Variants in TRAF3 observed in about 807,000 individuals in gnomAD.
The protein encoded by TRAF3 is TNF receptor-associated factor 3.
TRAF3 carries 13 observed loss-of-function variants against 62.3 expected under a neutral mutation model. That is an observed-to-expected ratio of 0.21 (90% confidence interval 0.14 to 0.33). The LOEUF is 0.33. Ranked by LOEUF, TRAF3 falls within the 10% of genes least tolerant of loss-of-function variation. The pLI, the probability that TRAF3 is intolerant of heterozygous loss-of-function variation, is 1.00. For synonymous variants in TRAF3, 269 were observed against 283.4 expected, an observed-to-expected ratio of 0.95 and a Z score of 0.51; for missense variants, 440 against 741.8, an observed-to-expected ratio of 0.59 and a Z score of 4.73.
intron 9 of TRAF3, among the ~76,000 whole-genome samples, chr14:102,895,683 C>G (rs1251699204): frequency 6.6e-6 from 1 of 152,338 alleles, no homozygotes; most frequent in Non-Finnish European, 1.5e-5. Flanking sequence ...TTGTAAAAAT[C>G]TTGTGAGAAA....
At chr14:102,890,368 G>A (rs1257087678) in intron 8 of TRAF3, among the ~76,000 whole-genome samples, 1 of 152,182 alleles carries the variant, frequency 6.6e-6, no homozygotes, top group Admixed American at 6.5e-5. Flanking sequence ...ACATTATTAT[G>A]AAGTCAGTAC....
chr14:102,800,395 G>T (rs1898322763), intron 1 of TRAF3, among the ~76,000 whole-genome samples: 1 of 152,192 alleles, frequency 6.6e-6, no homozygotes, highest in African/African-American at 2.4e-5. Flanking sequence ...CAGGCTTTGG[G>T]TGAGAGAGTC....
intron 8 of TRAF3, among the ~76,000 whole-genome samples, chr14:102,890,099 C>T (rs1023178074): frequency 9.2e-5 from 14 of 152,206 alleles, no homozygotes; most frequent in African/African-American, 3.4e-4. Context: ...CTGACCCCAA[C>T]GGGGGACAGA....
intron 2 of TRAF3, among the ~76,000 whole-genome samples, chr14:102,837,659 T>G (rs976317292): frequency 5.3e-5 from 8 of 152,042 alleles, no homozygotes; most frequent in Non-Finnish European, 8.8e-5. Flanking sequence ...AAAAAGATAC[T>G]TGGTTTTAAA....
intron 1 of TRAF3, among the ~76,000 whole-genome samples, chr14:102,778,728 A>C (rs1292534588): frequency 2.0e-5 from 3 of 151,952 alleles, no homozygotes; most frequent in African/African-American, 7.3e-5. Flanking sequence ...TTTTTTTCCT[A>C]GCATTTGCTG....
Position 102,881,227 on chromosome 14 carries a change from T to C in TRAF3, c.570+4702T>C, listed in dbSNP as rs577494946. 2.6e-5 allele frequency among the ~76,000 whole-genome samples: 4 copies of C among 151,350 alleles called. No individual in the cohort carries two copies. The East Asian group carries it at 7.8e-4, about 30-fold the overall frequency. ...GGTAAAACCCCATCTCTACTTAAAA[T>C]ACAAAAATTAGCTGGGCATGGTAAC... On this transcript the variant is annotated intron_variant, in intron 6 of 11. Coordinates refer to ENST00000392745, the MANE Select transcript of TRAF3 (RefSeq NM_145725.3).
chr14:102,903,144 A>T lies in TRAF3; in HGVS notation c.961-111A>T. 6.7e-7 allele frequency: 1 copy of T among 1,487,754 alleles called. No homozygotes were observed. The highest frequency in any genetic ancestry group is 9.4e-7 in the Non-Finnish European group (1 of 1,068,636). 92.2% of individuals were successfully genotyped at this position (1,487,754 alleles called of 1,614,324 possible). A position where few individuals can be genotyped will look rare whatever the true frequency, so the allele number is the denominator to read the frequency against. ...CAGAGCCGCGGGTGGCAGGCCTCATACAGGGGCCTCTGACTGTTCTGCTCC... is the reference window on the plus strand; with the variant it reads ...CAGAGCCGCGGGTGGCAGGCCTCATTCAGGGGCCTCTGACTGTTCTGCTCC... On this transcript the variant is annotated intron_variant, in intron 10 of 11. Transcript: ENST00000392745. This position sits in a 1 kb window ranked among gnomAD's most constrained non-coding sequence, Gnocchi z 6.4.
intron 1 of TRAF3, among the ~76,000 whole-genome samples, chr14:102,802,791 G>A (rs1327805593): frequency 1.3e-5 from 2 of 152,060 alleles, no homozygotes; most frequent in Admixed American, 6.6e-5. Flanking sequence ...TCGTGCCACT[G>A]CACTCTAGCC....
intron 2 of TRAF3, among the ~76,000 whole-genome samples, chr14:102,834,878 CA>C (rs550332125): frequency 1.3e-5 from 2 of 150,592 alleles, no homozygotes; most frequent in Non-Finnish European, 2.9e-5. Flanking sequence ...GCAATTGCAA[CA>C]AAAGCAAAAA....
At chr14:102,830,651 AG>A (rs1403785930) in intron 2 of TRAF3, among the ~76,000 whole-genome samples, 179 bp downstream of exon 2, 1 of 152,104 alleles carries the variant, frequency 6.6e-6, no homozygotes, top group Non-Finnish European at 1.5e-5. Context: ...CACCCATAGG[AG>A]GGGCAAAGGG....
intron 1 of TRAF3, among the ~76,000 whole-genome samples, chr14:102,786,255 T>C (rs1897496425): frequency 6.6e-6 from 1 of 152,182 alleles, no homozygotes; most frequent in Non-Finnish European, 1.5e-5. Context: ...ACCTAAATTC[T>C]CCCTCTGGAG....
intron 7 of TRAF3, among the ~76,000 whole-genome samples, chr14:102,886,626 C>T (rs149441770): frequency 1.4e-4 from 22 of 152,086 alleles, no homozygotes; most frequent in South Asian, 2.1e-4. Context: ...TGTGGTGGCG[C>T]GCACCTGTAA....
intron 1 of TRAF3, among the ~76,000 whole-genome samples, chr14:102,782,643 C>A (rs1224303998): frequency 1.3e-5 from 2 of 151,766 alleles, no homozygotes; most frequent in African/African-American, 4.8e-5. Context: ...GGGGGCCCTA[C>A]ATTTCATTTC....
intron 2 of TRAF3, among the ~76,000 whole-genome samples, chr14:102,848,067 G>C (rs1196598963): frequency 6.6e-6 from 1 of 152,074 alleles, no homozygotes; most frequent in African/African-American, 2.4e-5. Context: ...GCAGCCTGGG[G>C]GTGTGACCTG....
At chr14:102,845,838 G>T (rs1886673703) in intron 2 of TRAF3, among the ~76,000 whole-genome samples, 1 of 151,840 alleles carries the variant, frequency 6.6e-6, no homozygotes, top group Non-Finnish European at 1.5e-5. Context: ...GAATTTGCTG[G>T]GTGTGGTGGC....
At chr14:102,779,450 G>GT (rs1041789326) in intron 1 of TRAF3, among the ~76,000 whole-genome samples, 16 of 152,110 alleles carry the variant, frequency 1.1e-4, no homozygotes, top group Admixed American at 6.6e-5. Context: ...GTGGCCAGTT[G>GT]TTTCTGTTAA....
At chr14:102,849,932 T>C (rs749740557) in intron 2 of TRAF3, among the ~76,000 whole-genome samples, 1 of 152,234 alleles carries the variant, frequency 6.6e-6, no homozygotes, top group Non-Finnish European at 1.5e-5. Flanking sequence ...CTTTTCTCCA[T>C]GTGTGTCGTG....
At chr14:102,874,066 A>G (rs1888499373) in intron 4 of TRAF3, among the ~76,000 whole-genome samples, 2 of 152,240 alleles carry the variant, frequency 1.3e-5, no homozygotes, top group South Asian at 4.1e-4. Flanking sequence ...TCGAGACCAG[A>G]GTGGGCAGCA....
chr14:102,859,847 T>C (rs954198360), intron 2 of TRAF3, among the ~76,000 whole-genome samples: 1 of 152,176 alleles, frequency 6.6e-6, no homozygotes, highest in Non-Finnish European at 1.5e-5. Context: ...GGTGGAGCCC[T>C]GGAGGAACAG....
Sources: allele counts gnomAD v4.1 joint callset (sites outside exome capture counted in the v4.1 genomes callset), GRCh38; gene constraint gnomAD v4.1.1; non-coding constraint Gnocchi (gnomAD v3.1); transcripts MANE v1.5; gene names NCBI Gene and HGNC (gene_info 2026-07-23, HGNC 2026-07-21).